UNKL: variants seen among roughly 807,000 people sequenced by gnomAD.
UNKL encodes putative E3 ubiquitin-protein ligase UNKL.
Under a neutral mutation model 78.0 loss-of-function variants are expected in UNKL, and 60 were observed. The observed-to-expected ratio is 0.77, with a 90% CI of 0.63 to 0.95. The LOEUF is 0.95. Among genes scored for constraint, UNKL ranks in the 40% least tolerant of loss-of-function variants. UNKL has a pLI of 0.00. For missense variants in UNKL, 1,159 were observed against 1,045.7 expected, an observed-to-expected ratio of 1.11 and a Z score of -1.49; for synonymous variants, 608 against 474.8, an observed-to-expected ratio of 1.28 and a Z score of -3.65.
At chr16:1,368,228 C>T in intron 12 of UNKL, 1 of 321,550 alleles carries the variant, frequency 3.1e-6, no homozygotes, top group Non-Finnish European at 5.8e-6. Flanking sequence ...CTCTCAAAGA[C>T]CCCACAGAGC....
chr16:1,368,090 A>G (rs1371855986), intron 12 of UNKL: 1 of 579,296 alleles, frequency 1.7e-6, no homozygotes, highest in East Asian at 2.9e-5. Context: ...CACCAGATCT[A>G]CGCCTTCCTG....
Position 1,394,138 on chromosome 16 carries a change from G to A in UNKL, c.930C>T (p.His310=), listed in dbSNP as rs1470814059. Reference sequence around the variant, plus strand: ...ACAGGGACGGTTACTCACTCTCAACGTGTGCAAAGGCACAGAAGGGGCCGC... The same window carrying A: ...ACAGGGACGGTTACTCACTCTCAACATGTGCAAAGGCACAGAAGGGGCCGC... ...CPRGPFCAFA[H]VEKSLGMVNE... Residue 310 remains histidine, a synonymous_variant, in exon 7 of 15, where the codon CAC becomes CAT. Transcript: ENST00000389221. 12 of 1,550,456 alleles carry A rather than the reference G, an allele frequency of 7.7e-6. No individual in the cohort carries two copies. Among genetic ancestry groups the A allele is most frequent in the African/African-American group, 1.4e-5 (1 of 73,066 alleles).
intron 10 of UNKL, among the ~76,000 whole-genome samples, chr16:1,376,138 C>G (rs1487785784): frequency 1.4e-5 from 2 of 141,518 alleles, no homozygotes; most frequent in African/African-American, 5.3e-5. Context: ...TCCCTCCTCC[C>G]TCCAGGGCTG....
chr16:1,403,137 G>T lies in UNKL; in HGVS notation c.464+31C>A. On this transcript the variant is annotated intron_variant, in intron 3 of 14. Transcript: ENST00000389221. This position sits in a 1 kb window ranked among gnomAD's most constrained non-coding sequence, Gnocchi z 4.8. ...CAGCAGAGCCCACAGCAGCAGGCAG[G>T]CCAAGTGCCCACTCGTGGATGCCCA... The T allele has an allele frequency of 6.3e-7, 1 of 1,590,288 alleles. No homozygotes were observed. The highest frequency in any genetic ancestry group is 8.6e-7 in the Non-Finnish European group (1 of 1,168,160).
intron 10 of UNKL, chr16:1,383,566 G>A (rs1270595357): frequency 5.7e-6 from 2 of 353,090 alleles, no homozygotes; most frequent in East Asian, 1.5e-4. Context: ...TGTGGTCTGT[G>A]GCCTAAGTGG....
rs2141890020 is a variant in UNKL, at chr16:1,365,419, G to C, written c.*821C>G. 1 of 152,408 alleles carries C rather than the reference G, an allele frequency of 6.6e-6. No homozygotes were observed. Among genetic ancestry groups the C allele is most frequent in the African/African-American group, 2.4e-5 (1 of 41,544 alleles). 9.4% of individuals were successfully genotyped at this position (152,408 alleles called of 1,614,324 possible). A position where few individuals can be genotyped will look rare whatever the true frequency, so the allele number is the denominator to read the frequency against. The stretch of plus-strand genomic sequence containing the variant: ...CAAAACCCATGATGCTCCTTCACTT[G>C]CTCTCCGAGGCGCAGGCGCACAGAA... On this transcript the variant is annotated 3_prime_UTR_variant, in exon 15 of 15. Coordinates refer to ENST00000389221, the MANE Select transcript of UNKL (RefSeq NM_001372107.1).
intron 7 of UNKL, 56 bp from the exon 8 acceptor site, chr16:1,393,032 C>A: frequency 6.6e-7 from 1 of 1,517,416 alleles, no homozygotes; most frequent in South Asian, 1.2e-5. Context: ...GACAGTGACA[C>A]GCAGAAGTCT....
At position 1,402,191 on chromosome 16, in the gene UNKL, G is replaced by A. The variant is rs563268888; in HGVS notation, c.465-490C>T. 5.3e-5 allele frequency among the ~76,000 whole-genome samples: 8 copies of A among 149,744 alleles called. No individual in the cohort carries two copies. The East Asian group carries it at 5.8e-4, about 11-fold the overall frequency. ...CCTCAACCCCAGTGAGCTGCCCTCCGGACCCAGAAGAGAAACACACAGTGA... is the reference window on the plus strand; with the variant it reads ...CCTCAACCCCAGTGAGCTGCCCTCCAGACCCAGAAGAGAAACACACAGTGA... On this transcript the variant is annotated intron_variant, in intron 3 of 14. Coordinates refer to ENST00000389221, the MANE Select transcript of UNKL (RefSeq NM_001372107.1).
At chr16:1,414,381 T>G (rs1178429090) in intron 1 of UNKL, among the ~76,000 whole-genome samples, 1 of 151,502 alleles carries the variant, frequency 6.6e-6, no homozygotes, top group African/African-American at 2.4e-5. Flanking sequence ...CCCGGGGCGT[T>G]CCTCCCTCCC....
rs1053898712 is a variant in UNKL, at chr16:1,365,265, G to A, written c.*975C>T. The A allele has an allele frequency of 2.0e-5, 3 of 152,190 alleles. No individual in the cohort carries two copies. Among genetic ancestry groups the A allele is most frequent in the Non-Finnish European group, 4.4e-5 (3 of 68,058 alleles). The allele number at this position is 152,190 out of a possible 1,614,324, so 9.4% of individuals were successfully genotyped here. A position where few individuals can be genotyped will look rare whatever the true frequency, so the allele number is the denominator to read the frequency against. On this transcript the variant is annotated 3_prime_UTR_variant, in exon 15 of 15. Transcript: ENST00000389221. ...GCCTCCCAAAGTGCTGGGATCACAG[G>A]CATGAGCCACCGCACCCAGCCAGAA... is the stretch of plus-strand genomic sequence containing the variant.
In UNKL at chr16:1,365,945, G is replaced by A. The variant is rs569652246; in HGVS notation, c.*295C>T. The A allele has an allele frequency of 3.8e-5, 11 of 291,404 alleles. No homozygotes were observed. The highest frequency in any genetic ancestry group is 9.8e-4 in the Middle Eastern group (1 of 1,016). The allele number at this position is 291,404 out of a possible 1,614,324, so 18.1% of individuals were successfully genotyped here. Reference sequence around the variant, plus strand: ...GTGATCACAGCGCCGCGTGGATCCCGGAGGCACCAGGCCCCTCAGGGACAG... The same window carrying A: ...GTGATCACAGCGCCGCGTGGATCCCAGAGGCACCAGGCCCCTCAGGGACAG... On this transcript the variant is annotated 3_prime_UTR_variant, in exon 15 of 15. Coordinates refer to ENST00000389221, the MANE Select transcript of UNKL (RefSeq NM_001372107.1).
At chr16:1,372,375 C>G (rs2035927023) in intron 10 of UNKL, among the ~76,000 whole-genome samples, 1 of 152,236 alleles carries the variant, frequency 6.6e-6, no homozygotes, top group Admixed American at 6.5e-5. Context: ...TCCCAAGGCT[C>G]AAGACTGAGT....
At chr16:1,402,336 A>G (rs766793142) in intron 3 of UNKL, among the ~76,000 whole-genome samples, 4 of 152,258 alleles carry the variant, frequency 2.6e-5, no homozygotes, top group Non-Finnish European at 5.9e-5. Flanking sequence ...AGAAACACAC[A>G]GTGAGAAGAG....
chr16:1,395,398 T>A (rs1480934102), intron 6 of UNKL, among the ~76,000 whole-genome samples: 2 of 152,012 alleles, frequency 1.3e-5, no homozygotes, highest in East Asian at 3.9e-4. Context: ...ACTCCTGACC[T>A]CAGGTGATCT....
chr16:1,392,512 A>G (rs535336065), intron 8 of UNKL, among the ~76,000 whole-genome samples: 4 of 152,022 alleles, frequency 2.6e-5, no homozygotes, highest in African/African-American at 9.6e-5. Flanking sequence ...TCACCTCACC[A>G]CAACCTCCGT....
At chr16:1,383,666 G>A (rs983098635) in intron 10 of UNKL, 10 of 422,016 alleles carry the variant, frequency 2.4e-5, no homozygotes, top group Non-Finnish European at 3.9e-5. Flanking sequence ...GAGCAGTTCC[G>A]TGTGGGGCAA....
At chr16:1,389,659 G>T (rs2036962079) in intron 9 of UNKL, among the ~76,000 whole-genome samples, 1 of 152,224 alleles carries the variant, frequency 6.6e-6, no homozygotes, top group African/African-American at 2.4e-5. Flanking sequence ...CTGTCCTCAG[G>T]AAGAGACCCC....
At chr16:1,372,530 G>A (rs935770162) in intron 10 of UNKL, among the ~76,000 whole-genome samples, 5 of 152,086 alleles carry the variant, frequency 3.3e-5, no homozygotes, top group African/African-American at 1.2e-4. Flanking sequence ...ATGGCAAGCA[G>A]GGACCCCACT....
chr16:1,399,530 T>C lies in UNKL; in HGVS notation c.599-21A>G, dbSNP rs975527351. On this transcript the variant is annotated intron_variant, in intron 4 of 14. Coordinates refer to ENST00000389221, the MANE Select transcript of UNKL (RefSeq NM_001372107.1). This position sits in a 1 kb window ranked among gnomAD's most constrained non-coding sequence, Gnocchi z 5.8. ...GGCATCTGAAAAATGGGCCACACGG[T>C]GCCTGAGCAGCGCGACTGGAAGCAA... 21 of 1,582,064 alleles carry C rather than the reference T, an allele frequency of 1.3e-5. No individual in the cohort carries two copies. The highest frequency in any genetic ancestry group is 1.7e-5 in the Non-Finnish European group (20 of 1,165,856).
Sources: gnomAD v4.1 joint callset for allele counts (sites outside exome capture counted in the v4.1 genomes callset) on GRCh38, gnomAD v4.1.1 for gene constraint, Gnocchi (gnomAD v3.1) non-coding constraint, MANE v1.5 for transcripts, NCBI Gene and HGNC (gene_info 2026-07-23, HGNC 2026-07-21) for gene names.